Variants in CACNA1B observed in about 807,000 individuals in gnomAD.
The protein encoded by CACNA1B is voltage-dependent N-type calcium channel subunit alpha-1B.
A neutral mutation model predicts 247.2 loss-of-function variants in CACNA1B; 70 were observed. That is an observed-to-expected ratio of 0.28 (90% CI 0.23 to 0.35). CACNA1B has a LOEUF of 0.35. CACNA1B is among the 10% of genes least tolerant of loss of function. The pLI, the probability that CACNA1B is intolerant of heterozygous loss-of-function variation, is 1.00. For synonymous variants in CACNA1B, 1,231 were observed against 1,294.4 expected (o/e 0.95, Z 1.05); for missense variants, 2,367 against 3,197.4 (o/e 0.74, Z 6.26).
At position 138,010,063 on chromosome 9, in the gene CACNA1B, C is replaced by A; in HGVS notation, c.2146C>A (p.Gln716Lys). Residue 716 changes from glutamine (Q) to lysine (K), a missense_variant, in exon 17 of 47, where the codon CAA becomes AAA. Gln to Lys is a moderately conservative substitution (Grantham distance 53). Coordinates refer to ENST00000371372, the MANE Select transcript of CACNA1B (RefSeq NM_000718.4). The surrounding 1 kb of genome is among the most constrained non-coding windows in gnomAD (Gnocchi z 5.3). ...CGCTGTGGACAACCTGGCCAACGCC[C>A]AAGAGCTGACCAAGGTAGGTGGCGA... is the stretch of plus-strand genomic sequence containing the variant. ...AIAVDNLANA[Q>K]ELTKDEEEME... 6.2e-7 allele frequency: 1 copy of A among 1,613,598 alleles called. No homozygotes were observed. Among genetic ancestry groups the A allele is most frequent in the Non-Finnish European group, 8.5e-7 (1 of 1,179,548 alleles).
At chr9:138,046,158 A>AC (rs1347683663) in intron 21 of CACNA1B, among the ~76,000 whole-genome samples, 1 of 152,020 alleles carries the variant, frequency 6.6e-6, no homozygotes, top group Non-Finnish European at 1.5e-5. Context: ...TGGTGTTTTG[A>AC]CTGCTGAATG....
intron 24 of CACNA1B, among the ~76,000 whole-genome samples, chr9:138,049,888 C>T (rs1021099392): frequency 4.6e-5 from 7 of 152,124 alleles, no homozygotes; most frequent in African/African-American, 1.7e-4. Flanking sequence ...AGGGCATTGT[C>T]GGGGGCTCAG....
chr9:138,094,177 C>T (rs1429395889), intron 36 of CACNA1B, among the ~76,000 whole-genome samples: 1 of 152,144 alleles, frequency 6.6e-6, no homozygotes, highest in African/African-American at 2.4e-5. Flanking sequence ...CACAAAAGGA[C>T]AGACACTGTA....
At chr9:137,901,142 G>A (rs1957234733) in intron 3 of CACNA1B, among the ~76,000 whole-genome samples, 1 of 148,196 alleles carries the variant, frequency 6.7e-6, no homozygotes, top group Admixed American at 6.7e-5. Flanking sequence ...GTGTCTCTGT[G>A]TCCCTGTGAC....
At chr9:138,099,969 A>G (rs1408407511) in intron 37 of CACNA1B, among the ~76,000 whole-genome samples, 5 of 152,252 alleles carry the variant, frequency 3.3e-5, no homozygotes, top group African/African-American at 1.2e-4. Context: ...GCAGGGGCCC[A>G]AAGGTGAAAC....
chr9:138,111,953 T>TC (rs1961651205), intron 39 of CACNA1B, among the ~76,000 whole-genome samples: 5 of 146,600 alleles, frequency 3.4e-5, no homozygotes, highest in African/African-American at 1.2e-4. Context: ...TTTTTTTTTT[T>TC]ACTTATTACT....
chr9:138,102,947 C>A lies in CACNA1B; in HGVS notation c.5319+140C>A, dbSNP rs76185242. 5.5e-3 allele frequency: 3,244 copies of A among 589,490 alleles called. 73 individuals are homozygous for A. Among genetic ancestry groups the A allele is most frequent in the African/African-American group, 0.051 (2,718 of 53,364 alleles). The allele number at this position is 589,490 out of a possible 1,614,324, so 36.5% of individuals were successfully genotyped here. A position where few individuals can be genotyped will look rare whatever the true frequency, so the allele number is the denominator to read the frequency against. On this transcript the variant is annotated intron_variant, in intron 38 of 46. Transcript: ENST00000371372. This position sits in a 1 kb window ranked among gnomAD's most constrained non-coding sequence, Gnocchi z 5.4. ...CTCTGCTGTGCGCCCCCGGCTGCCT[C>A]ACTGTGTCTTTCTCTTCAGCCCCAT... is the stretch of plus-strand genomic sequence containing the variant.
chr9:138,096,967 T>C (rs952477659), intron 37 of CACNA1B, among the ~76,000 whole-genome samples: 1 of 151,576 alleles, frequency 6.6e-6, no homozygotes, highest in Non-Finnish European at 1.5e-5. Flanking sequence ...AGGCCTGTCA[T>C]GTGAGGGCTC....
At chr9:138,083,492 T>A (rs1168458453) in intron 36 of CACNA1B, among the ~76,000 whole-genome samples, 1 of 150,682 alleles carries the variant, frequency 6.6e-6, no homozygotes, top group Non-Finnish European at 1.5e-5. Flanking sequence ...AGCAGTTCCC[T>A]GCATCCCAGG....
At chr9:138,112,075 C>T (rs1406528017) in intron 39 of CACNA1B, among the ~76,000 whole-genome samples, 1 of 152,162 alleles carries the variant, frequency 6.6e-6, no homozygotes, top group Non-Finnish European at 1.5e-5. Context: ...CCATCTTCCT[C>T]CTAAATCCTC....
intron 20 of CACNA1B, chr9:138,032,553 G>T: frequency 1.1e-5 from 4 of 354,658 alleles, no homozygotes; most frequent in Middle Eastern, 9.7e-4. Flanking sequence ...GCATTCTTTT[G>T]TGGTAGGTCT....
intron 36 of CACNA1B, among the ~76,000 whole-genome samples, chr9:138,081,894 G>A (rs1300972037): frequency 1.3e-5 from 2 of 151,034 alleles, no homozygotes; most frequent in East Asian, 4.1e-4. Flanking sequence ...ATAAAGAGAA[G>A]CCCAAAACCA....
At chr9:138,035,174 G>C (rs1354437698) in intron 20 of CACNA1B, among the ~76,000 whole-genome samples, 2 of 152,210 alleles carry the variant, frequency 1.3e-5, no homozygotes, top group Admixed American at 6.5e-5. Context: ...AAAGATGACC[G>C]CTGGCCGGGC....
intron 15 of CACNA1B, among the ~76,000 whole-genome samples, chr9:137,995,779 T>C (rs1414992170): frequency 6.6e-6 from 1 of 152,066 alleles, no homozygotes; most frequent in Non-Finnish European, 1.5e-5. Context: ...TCAATACATC[T>C]GACAAAGGAC....
Position 138,105,532 on chromosome 9 carries a change from G to C in CACNA1B, c.5320-167G>C, listed in dbSNP as rs1456965570. ...GGGCGGGGAGTCCAGGGGAGAGTGT[G>C]AATGCTGGCAAAACTCCCACCCGCC... is the stretch of plus-strand genomic sequence containing the variant. On this transcript the variant is annotated intron_variant, in intron 38 of 46. Transcript: ENST00000371372. 2.6e-5 allele frequency among the ~76,000 whole-genome samples: 4 copies of C among 152,146 alleles called. No homozygotes were observed. The East Asian group carries it at 5.8e-4, about 22-fold the overall frequency.
chr9:138,062,778 C>T (rs1167654173), intron 31 of CACNA1B, among the ~76,000 whole-genome samples: 1 of 152,184 alleles, frequency 6.6e-6, no homozygotes, highest in Non-Finnish European at 1.5e-5. Flanking sequence ...GTTTTGTGGC[C>T]CAAGTGGCAG....
At chr9:138,070,868 T>A (rs1251213956) in intron 32 of CACNA1B, among the ~76,000 whole-genome samples, 2 of 152,364 alleles carry the variant, frequency 1.3e-5, no homozygotes, top group Non-Finnish European at 1.5e-5. Flanking sequence ...CTCATTAGAA[T>A]GAAAGGGAGC....
intron 39 of CACNA1B, among the ~76,000 whole-genome samples, chr9:138,108,782 G>A (rs1961525959): frequency 6.6e-6 from 1 of 152,102 alleles, no homozygotes; most frequent in Admixed American, 6.6e-5. Flanking sequence ...CCGAGTAGCT[G>A]GGACTACAGG....
intron 15 of CACNA1B, among the ~76,000 whole-genome samples, chr9:138,000,839 A>G (rs1286858870): frequency 6.6e-6 from 1 of 152,208 alleles, no homozygotes; most frequent in Non-Finnish European, 1.5e-5. Context: ...TAAAGCTTCC[A>G]TAATATTCTT....
Sources: allele counts gnomAD v4.1 joint callset (sites outside exome capture counted in the v4.1 genomes callset), GRCh38; gene constraint gnomAD v4.1.1; non-coding constraint Gnocchi (gnomAD v3.1); transcripts MANE v1.5; gene names NCBI Gene and HGNC (gene_info 2026-07-23, HGNC 2026-07-21).